Variants in FRMPD4 observed in about 807,000 individuals in gnomAD.
FRMPD4 encodes the protein FERM and PDZ domain-containing protein 4.
A neutral mutation model predicts 94.1 loss-of-function variants in FRMPD4; 22 were observed. That is an observed-to-expected ratio of 0.23 (90% CI 0.17 to 0.33). FRMPD4 has a LOEUF of 0.33. Among genes scored for constraint, FRMPD4 ranks in the 10% least tolerant of loss-of-function variants. The probability of loss-of-function intolerance (pLI) is 1.00; values close to 1 mark genes in which losing one functional copy is unlikely to be tolerated. For synonymous variants in FRMPD4, 631 were observed against 548.6 expected (o/e 1.15, Z -2.10); for missense variants, 1,111 against 1,339.9 (o/e 0.83, Z 2.67).
At chrX:11,828,070 C>T (rs1351196707) in intron 1 of FRMPD4, among the ~76,000 whole-genome samples, 4 of 111,991 alleles carry the variant, frequency 3.6e-5, no homozygotes, top group Non-Finnish European at 7.5e-5. Context: ...GTAAAGAAGA[C>T]ATATGCCAAC....
chrX:12,614,682 A>G (rs1038044098), intron 3 of FRMPD4, 97 bp from the exon 4 acceptor site: 2 of 484,749 alleles, frequency 4.1e-6, no homozygotes, highest in African/African-American at 4.7e-5. Flanking sequence ...TTTTGCTGAT[A>G]GCACCATTTG....
chrX:12,344,002 T>C lies in FRMPD4; in HGVS notation c.42-154678T>C, dbSNP rs140912672. ...GCATTCCCTTAATTTAATTTGGAAT[T>C]GGAAAAGGTACTGTGTGACTAAAGT... On this transcript the variant is annotated intron_variant, in intron 1 of 16. Coordinates refer to ENST00000675598, the MANE Select transcript of FRMPD4 (RefSeq NM_001368397.1). Among the ~76,000 whole-genome samples the C allele has an allele frequency of 7.0e-3, 790 of 112,338 alleles. 8 individuals are homozygous for C. Among genetic ancestry groups the C allele is most frequent in the African/African-American group, 0.024 (757 of 30,948 alleles).
chrX:12,533,871 A>G (rs2058311493), intron 2 of FRMPD4, among the ~76,000 whole-genome samples: 1 of 112,727 alleles, frequency 8.9e-6, no homozygotes, highest in South Asian at 3.6e-4. Context: ...AATAGAAAAG[A>G]AAATCCCATT....
intron 1 of FRMPD4, among the ~76,000 whole-genome samples, chrX:12,244,105 T>G (rs997860690): frequency 9.1e-6 from 1 of 109,726 alleles, no homozygotes; most frequent in Non-Finnish European, 1.9e-5. Context: ...GTTTTTGTTT[T>G]GTTTTGTTTT....
intron 1 of FRMPD4, among the ~76,000 whole-genome samples, chrX:12,450,548 A>G (rs2057253434): frequency 9.0e-6 from 1 of 111,722 alleles, no homozygotes; most frequent in African/African-American, 3.3e-5. Context: ...TGGAAATCCC[A>G]TTCAATATTT....
At chrX:11,843,867 T>G (rs1238606158) in intron 1 of FRMPD4, among the ~76,000 whole-genome samples, 1 of 111,849 alleles carries the variant, frequency 8.9e-6, no homozygotes, top group Non-Finnish European at 1.9e-5. Context: ...ACATTTCTTA[T>G]GCTCTTCATT....
At chrX:12,710,841 G>A (rs1484607581) in intron 14 of FRMPD4, among the ~76,000 whole-genome samples, 1 of 110,975 alleles carries the variant, frequency 9.0e-6, no homozygotes, top group Non-Finnish European at 1.9e-5. Context: ...GGGAGGCAGA[G>A]GTTGCAGTGA....
At chrX:12,408,091 G>A (rs777106941) in intron 1 of FRMPD4, among the ~76,000 whole-genome samples, 5 of 108,084 alleles carry the variant, frequency 4.6e-5, no homozygotes, top group Admixed American at 1.0e-4. Context: ...TCTGTGTCTC[G>A]AGTGGTGGCT....
chrX:12,070,593 C>T (rs1305631585), intron 3 of FRMPD4, among the ~76,000 whole-genome samples: 3 of 111,636 alleles, frequency 2.7e-5, no homozygotes, highest in African/African-American at 9.8e-5. Context: ...AATAGTTGCT[C>T]TACAACTGTG....
At chrX:12,542,326 A>T (rs2058423844) in intron 2 of FRMPD4, among the ~76,000 whole-genome samples, 1 of 112,280 alleles carries the variant, frequency 8.9e-6, no homozygotes, top group Admixed American at 9.4e-5. Context: ...ACATGATTGT[A>T]TATTAGACAA....
At chrX:12,666,148 G>A (rs1343995620) in intron 4 of FRMPD4, among the ~76,000 whole-genome samples, 1 of 108,188 alleles carries the variant, frequency 9.2e-6, no homozygotes, top group African/African-American at 3.4e-5. Flanking sequence ...GATAAAAATA[G>A]ACTTTAAACC....
At chrX:12,184,631 G>A (rs1319552170) in intron 1 of FRMPD4, among the ~76,000 whole-genome samples, 2 of 112,065 alleles carry the variant, frequency 1.8e-5, no homozygotes, top group African/African-American at 6.5e-5. Flanking sequence ...ACACAGTGGA[G>A]CACTATACAG....
At chrX:12,288,905 C>A (rs767387982) in intron 1 of FRMPD4, among the ~76,000 whole-genome samples, 1 of 112,086 alleles carries the variant, frequency 8.9e-6, no homozygotes, top group South Asian at 3.7e-4. Context: ...AACTCTGAAT[C>A]TTGGGGAAGG....
chrX:11,991,248 T>C (rs1040542511), intron 3 of FRMPD4, among the ~76,000 whole-genome samples: 1 of 111,503 alleles, frequency 9.0e-6, no homozygotes, highest in Non-Finnish European at 1.9e-5. Flanking sequence ...CACCAGGAGG[T>C]GGGACTCACT....
At chrX:12,580,095 A>G (rs769487782) in intron 2 of FRMPD4, among the ~76,000 whole-genome samples, 6 of 112,590 alleles carry the variant, frequency 5.3e-5, no homozygotes, top group African/African-American at 1.9e-4. Flanking sequence ...AAAAATGAAC[A>G]AAAGCAGTTA....
chrX:12,388,674 T>A (rs1283388212), intron 1 of FRMPD4, among the ~76,000 whole-genome samples: 2 of 106,521 alleles, frequency 1.9e-5, no homozygotes, highest in Non-Finnish European at 3.9e-5. Context: ...CCCCCACTTC[T>A]TTTGGTTATT....
chrX:11,876,913 T>G (rs2053788919), intron 2 of FRMPD4, among the ~76,000 whole-genome samples: 1 of 112,458 alleles, frequency 8.9e-6, no homozygotes, highest in African/African-American at 3.2e-5. Flanking sequence ...CTTTTAGTTG[T>G]CACAGCTGGG....
At chrX:11,920,816 G>T (rs1355395564) in intron 3 of FRMPD4, among the ~76,000 whole-genome samples, 1 of 111,676 alleles carries the variant, frequency 9.0e-6, no homozygotes, top group Non-Finnish European at 1.9e-5. Flanking sequence ...CCCAGCTGCT[G>T]CTCATTCTAG....
At chrX:12,527,346 C>G (rs1192641508) in intron 2 of FRMPD4, among the ~76,000 whole-genome samples, 1 of 111,560 alleles carries the variant, frequency 9.0e-6, no homozygotes, top group African/African-American at 3.3e-5. Flanking sequence ...TATTTAGCCT[C>G]ATTTTTCCCT....
Sources: gnomAD v4.1 joint callset for allele counts (sites outside exome capture counted in the v4.1 genomes callset) on GRCh38, gnomAD v4.1.1 for gene constraint, MANE v1.5 for transcripts, NCBI Gene and HGNC (gene_info 2026-07-23, HGNC 2026-07-21) for gene names.